NFIB: variants seen among roughly 807,000 people sequenced by gnomAD.
NFIB encodes the protein nuclear factor I B.
In NFIB, 11 loss-of-function variants were observed where a neutral mutation model predicts 61.5. The observed-to-expected ratio is 0.18, with a 90% confidence interval of 0.11 to 0.30. The LOEUF (loss-of-function observed/expected upper bound fraction) is 0.30. NFIB is among the 10% of genes least tolerant of loss of function. The probability of loss-of-function intolerance (pLI) is 1.00; values close to 1 mark genes in which losing one functional copy is unlikely to be tolerated. For synonymous variants in NFIB, 260 were observed against 216.5 expected (o/e 1.20, Z -1.76); for missense variants, 471 against 608.9 (o/e 0.77, Z 2.38).
At chr9:14,431,658 G>A in the NFIB span, among the ~76,000 whole-genome samples, 67 of 149,340 alleles carry the variant, frequency 4.5e-4, no homozygotes, top group African/African-American at 1.4e-3. Context: ...TACTGTGAGA[G>A]CTTAGATAAC....
the NFIB span, among the ~76,000 whole-genome samples, chr9:14,410,531 C>T: frequency 6.6e-6 from 1 of 152,114 alleles, no homozygotes; most frequent in Non-Finnish European, 1.5e-5. Context: ...CCTCTGGTAA[C>T]CTCCTAAAAA....
At chr9:14,139,824 C>T (rs572910607) in intron 6 of NFIB, among the ~76,000 whole-genome samples, 1 of 152,072 alleles carries the variant, frequency 6.6e-6, no homozygotes, top group Non-Finnish European at 1.5e-5. Flanking sequence ...TGAAGAAGAT[C>T]GTGTTGTGAT....
chr9:14,490,875 T>C, the NFIB span, among the ~76,000 whole-genome samples: 1 of 152,218 alleles, frequency 6.6e-6, no homozygotes, highest in South Asian at 2.1e-4. Context: ...ACTCTAGATA[T>C]ATATTTTGTA....
rs1237490328 is a variant in NFIB at position 14,349,179 on chromosome 9, A to C, written c.109-41659T>G. ...GAGCGAAGCTAGCGAGGACAATTTG[A>C]GCAGTCTTTGTAGCCTGTTGGGAGA... On this transcript the variant is annotated intron_variant, in intron 1 of 8. Transcript: ENST00000380934. Among the ~76,000 whole-genome samples, 3 of 152,306 alleles carry C rather than the reference A, an allele frequency of 2.0e-5. No individual in the cohort carries two copies. The East Asian group carries it at 5.8e-4, about 29-fold the overall frequency.
chr9:14,422,616 A>G, the NFIB span, among the ~76,000 whole-genome samples: 1 of 152,342 alleles, frequency 6.6e-6, no homozygotes, highest in African/African-American at 2.4e-5. Flanking sequence ...TTGAGACAAT[A>G]TCCTTTCACT....
chr9:14,478,857 A>G, the NFIB span, among the ~76,000 whole-genome samples: 1 of 152,334 alleles, frequency 6.6e-6, no homozygotes, highest in South Asian at 2.1e-4. Flanking sequence ...TGGTCAAGAC[A>G]TAAGCATATT....
At chr9:14,107,150 T>C (rs139380228) in intron 10 of NFIB, among the ~76,000 whole-genome samples, 59 of 152,200 alleles carry the variant, frequency 3.9e-4, no homozygotes, top group African/African-American at 1.4e-3. Flanking sequence ...CCAATATTCA[T>C]ACTTTGGATT....
the NFIB span, among the ~76,000 whole-genome samples, chr9:14,442,705 G>A: frequency 6.6e-6 from 1 of 152,170 alleles, no homozygotes; most frequent in African/African-American, 2.4e-5. Flanking sequence ...CCTTTTGATA[G>A]GACACTAGTT....
At chr9:14,212,198 G>T (rs978354041) in intron 2 of NFIB, among the ~76,000 whole-genome samples, 1 of 152,166 alleles carries the variant, frequency 6.6e-6, no homozygotes, top group Non-Finnish European at 1.5e-5. Context: ...GCAACCAAAA[G>T]ACTCATACAA....
At chr9:14,446,545 T>C in the NFIB span, among the ~76,000 whole-genome samples, 3 of 152,206 alleles carry the variant, frequency 2.0e-5, no homozygotes, top group Admixed American at 1.3e-4. Context: ...CCATTTCATT[T>C]CTTTCCTGTA....
intron 3 of NFIB, among the ~76,000 whole-genome samples, chr9:14,171,805 G>A (rs2045591448): frequency 6.6e-6 from 1 of 152,172 alleles, no homozygotes; most frequent in Admixed American, 6.5e-5. Context: ...TGTCCGAAAA[G>A]TAGTTGGACA....
chr9:14,284,749 T>G (rs1317882263), intron 2 of NFIB, among the ~76,000 whole-genome samples: 2 of 152,154 alleles, frequency 1.3e-5, no homozygotes, highest in Non-Finnish European at 1.5e-5. Flanking sequence ...GAAGAAAAAT[T>G]TATTCTAAGA....
chr9:14,494,857 T>A, the NFIB span, among the ~76,000 whole-genome samples: 2 of 152,114 alleles, frequency 1.3e-5, no homozygotes, highest in Non-Finnish European at 2.9e-5. Context: ...CACCATCCAC[T>A]CCGGGCCTTT....
At chr9:14,176,381 T>C (rs1216202514) in intron 3 of NFIB, among the ~76,000 whole-genome samples, 6 of 152,086 alleles carry the variant, frequency 3.9e-5, no homozygotes, top group Non-Finnish European at 7.3e-5. Context: ...TCAGCCAAAA[T>C]TGCAATGCCA....
chr9:14,520,757 G>T, the NFIB span, among the ~76,000 whole-genome samples: 1 of 152,162 alleles, frequency 6.6e-6, no homozygotes, highest in Non-Finnish European at 1.5e-5. Flanking sequence ...CATTTAAAAA[G>T]ATGAAATAGA....
chr9:14,124,051 A>G (rs2039316966), intron 7 of NFIB, among the ~76,000 whole-genome samples: 1 of 152,126 alleles, frequency 6.6e-6, no homozygotes, highest in Non-Finnish European at 1.5e-5. Flanking sequence ...TCTCCCCACT[A>G]TATCCTGAAC....
chr9:14,397,099 C>T (rs940166509), intron 1 of NFIB, among the ~76,000 whole-genome samples: 1 of 152,192 alleles, frequency 6.6e-6, no homozygotes, highest in Admixed American at 6.5e-5. Context: ...AATTCTCTCT[C>T]TCTCTTTCTT....
At chr9:14,144,564 A>G (rs2042089720) in intron 6 of NFIB, among the ~76,000 whole-genome samples, 1 of 152,188 alleles carries the variant, frequency 6.6e-6, no homozygotes, top group African/African-American at 2.4e-5. Flanking sequence ...TACTTATTGT[A>G]CTCCTACTAC....
intron 2 of NFIB, among the ~76,000 whole-genome samples, chr9:14,203,285 T>C (rs925296837): frequency 6.6e-6 from 1 of 152,152 alleles, no homozygotes; most frequent in Admixed American, 6.5e-5. Context: ...CCTAAATGGA[T>C]GGAAAACCCC....
Sources: allele counts gnomAD v4.1 joint callset (sites outside exome capture counted in the v4.1 genomes callset), GRCh38; gene constraint gnomAD v4.1.1; transcripts MANE v1.5; gene names NCBI Gene and HGNC (gene_info 2026-07-23, HGNC 2026-07-21).